TANC2: variants seen among roughly 807,000 people sequenced by gnomAD.
The protein encoded by TANC2 is protein TANC2.
In TANC2, 26 loss-of-function variants were observed where a neutral mutation model predicts 210.5. That is an observed-to-expected ratio of 0.12 (90% CI 0.09 to 0.17). TANC2 has a LOEUF of 0.17. TANC2 is among the 10% of genes least tolerant of loss of function. The pLI, the probability that TANC2 is intolerant of heterozygous loss-of-function variation, is 1.00. For missense variants in TANC2, 2,129 were observed against 2,608.9 expected (o/e 0.82, Z 4.01); for synonymous variants, 931 against 967.1 (o/e 0.96, Z 0.69).
exon 26 of TANC2, chr17:63,415,603 G>A (rs768655244): frequency 1.2e-6 from 2 of 1,613,616 alleles, no homozygotes; most frequent in Admixed American, 1.7e-5. Flanking sequence ...GTTTGGTGAG[G>A]ACTTGAAAAC....
intron 8 of TANC2, among the ~76,000 whole-genome samples, chr17:63,264,908 A>G (rs899021728): frequency 6.6e-6 from 1 of 152,154 alleles, no homozygotes. Flanking sequence ...GCAGTGAGCC[A>G]TGACTGCACC....
intron 19 of TANC2, among the ~76,000 whole-genome samples, chr17:63,401,759 C>G (rs2048351187): frequency 6.6e-6 from 1 of 152,190 alleles, no homozygotes; most frequent in South Asian, 2.1e-4. Context: ...CCCTCCTCTC[C>G]CTTGTGTTGT....
At chr17:63,397,277 A>G (rs1188364374) in intron 18 of TANC2, among the ~76,000 whole-genome samples, 1 of 151,682 alleles carries the variant, frequency 6.6e-6, no homozygotes, top group East Asian at 1.9e-4. Flanking sequence ...TCCATCTCAA[A>G]AAAAAACAAA....
chr17:63,043,280 C>T (rs2035258201), intron 2 of TANC2, among the ~76,000 whole-genome samples: 1 of 151,974 alleles, frequency 6.6e-6, no homozygotes, highest in South Asian at 2.1e-4. Flanking sequence ...AGTATAATGC[C>T]CCATCACTTA....
At position 63,379,601 on chromosome 17, in the gene TANC2, G is replaced by A. The variant is rs537738053; in HGVS notation, c.2583-117G>A. 3.4e-5 allele frequency: 22 copies of A among 649,410 alleles called. No homozygotes were observed. The East Asian group carries it at 5.1e-4, about 15-fold the overall frequency. The allele number at this position is 649,410 out of a possible 1,614,324, so 40.2% of individuals were successfully genotyped here. A position where few individuals can be genotyped will look rare whatever the true frequency, so the allele number is the denominator to read the frequency against. ...GGAGAATCACTTAAACCCAAGAGGT[G>A]GAGGCTGCAGTGAGCCGAGATTGCG... On this transcript the variant is annotated intron_variant, in intron 14 of 27. Transcript: ENST00000689528.
chr17:63,120,945 A>C (rs2038451620), intron 4 of TANC2: 1 of 151,920 alleles, frequency 6.6e-6, no homozygotes, highest in Non-Finnish European at 1.5e-5. Context: ...AGAATATAAC[A>C]ATTTCAAATG....
chr17:62,977,907 A>G (rs573265122), intron 1 of TANC2, among the ~76,000 whole-genome samples: 66 of 152,294 alleles, frequency 4.3e-4, no homozygotes, highest in African/African-American at 1.5e-3. Context: ...ATATACACAT[A>G]AATATACAGG....
rs150828199 is a variant in TANC2 at position 63,139,684 on chromosome 17, T to A, written c.323-11586T>A. Among the ~76,000 whole-genome samples, 262 of 152,278 alleles carry A rather than the reference T, an allele frequency of 1.7e-3. 1 individual carries two copies. Among genetic ancestry groups the A allele is most frequent in the African/African-American group, 5.9e-3 (244 of 41,542 alleles). On this transcript the variant is annotated intron_variant, in intron 4 of 27. Coordinates refer to ENST00000689528, the Ensembl canonical transcript of TANC2. The stretch of plus-strand genomic sequence containing the variant: ...ACTTTGGGAGGCTGAGGAGTATTGC[T>A]TGAAGCAAGGAGTTTGAGATCAGCC...
chr17:63,359,491 A>G (rs7210570), intron 14 of TANC2, among the ~76,000 whole-genome samples: 89,970 of 151,744 alleles, frequency 0.59, 28,968 homozygotes, highest in African/African-American at 0.85. Flanking sequence ...TATTACAGGT[A>G]CCTGCTACCT....
chr17:63,422,438 G>C (rs55884746), exon 28 of TANC2: 3,214 of 167,722 alleles, frequency 0.019, 62 homozygotes, highest in Non-Finnish European at 0.03. Flanking sequence ...GCATTCTCAT[G>C]CTGTGGCCCC....
chr17:63,073,571 T>G (rs946407753), intron 2 of TANC2, among the ~76,000 whole-genome samples: 7 of 152,202 alleles, frequency 4.6e-5, no homozygotes, highest in Non-Finnish European at 8.8e-5. Flanking sequence ...GCTGTTGTAC[T>G]TTAGACAGAA....
chr17:63,246,009 C>CAA (rs35616542), intron 8 of TANC2, among the ~76,000 whole-genome samples: 11 of 137,226 alleles, frequency 8.0e-5, no homozygotes, highest in Non-Finnish European at 7.9e-5. Context: ...GACGCTGTCT[C>CAA]AAAAAAAAAA....
At chr17:63,426,833 A>G (rs2049156666) in exon 28 of TANC2, 2 of 152,114 alleles carry the variant, frequency 1.3e-5, no homozygotes, top group Non-Finnish European at 1.5e-5. Context: ...TGCTGGCTGA[A>G]TTTTTCTTTT....
At chr17:63,235,858 T>A (rs1399748627) in intron 7 of TANC2, among the ~76,000 whole-genome samples, 1 of 152,088 alleles carries the variant, frequency 6.6e-6, no homozygotes, top group Non-Finnish European at 1.5e-5. Context: ...ATAATCTAGA[T>A]GTTAATGTTT....
At chr17:63,151,788 T>C (rs1459464673) in intron 5 of TANC2, 3 of 152,132 alleles carry the variant, frequency 2.0e-5, no homozygotes, top group Non-Finnish European at 4.4e-5. Flanking sequence ...GCATACAACC[T>C]TTATGCCTAA....
At chr17:63,246,009 CA>C (rs35616542) in intron 8 of TANC2, among the ~76,000 whole-genome samples, 82,044 of 137,156 alleles carry the variant, frequency 0.6, 25,431 homozygotes, top group African/African-American at 0.84. Context: ...GACGCTGTCT[CA>C]AAAAAAAAAA....
At chr17:63,071,870 A>G (rs1159167453) in intron 2 of TANC2, among the ~76,000 whole-genome samples, 1 of 152,106 alleles carries the variant, frequency 6.6e-6, no homozygotes, top group Admixed American at 6.6e-5. Flanking sequence ...ATATTTAATA[A>G]ATTTGGGTAG....
chr17:63,126,616 C>T lies in TANC2; in HGVS notation c.323-24654C>T, dbSNP rs184347954. On this transcript the variant is annotated intron_variant, in intron 4 of 27. Coordinates refer to ENST00000689528, the Ensembl canonical transcript of TANC2. ...TAGAGATGGAGTTTCACTGTGTTGG[C>T]CAGGCTGGTCTTGAATTCCTAGCCT... is the stretch of plus-strand genomic sequence containing the variant. Among the ~76,000 whole-genome samples, 237 of 152,160 alleles carry T rather than the reference C, an allele frequency of 1.6e-3. 1 individual carries two copies. The highest frequency in any genetic ancestry group is 5.5e-3 in the African/African-American group (230 of 41,490).
At chr17:63,210,716 A>G (rs1025254275) in intron 7 of TANC2, among the ~76,000 whole-genome samples, 1 of 152,162 alleles carries the variant, frequency 6.6e-6, no homozygotes, top group African/African-American at 2.4e-5. Flanking sequence ...GAAGATTGGA[A>G]TTATCTGTTT....
Sources: allele counts gnomAD v4.1 joint callset (sites outside exome capture counted in the v4.1 genomes callset), GRCh38; gene constraint gnomAD v4.1.1; transcripts MANE v1.5; gene names NCBI Gene and HGNC (gene_info 2026-07-23, HGNC 2026-07-21).